USP34: variants seen among roughly 807,000 people sequenced by gnomAD.
USP34 encodes the protein ubiquitin carboxyl-terminal hydrolase 34.
Under a neutral mutation model 460.3 loss-of-function variants are expected in USP34, and 70 were observed. That is an observed-to-expected ratio of 0.15 (90% CI 0.13 to 0.19). USP34 has a LOEUF of 0.19. USP34 is among the 10% of genes least tolerant of loss of function. The pLI is 1.00. For missense variants in USP34, 3,985 were observed against 4,236.2 expected (o/e 0.94, Z 1.65); for synonymous variants, 1,647 against 1,405.3 (o/e 1.17, Z -3.85).
intron 12 of USP34, among the ~76,000 whole-genome samples, chr2:61,349,724 C>G (rs578159606): frequency 5.7e-4 from 87 of 152,028 alleles, no homozygotes; most frequent in Admixed American, 3.3e-3. Flanking sequence ...ACCTGTAGTC[C>G]CAGCTACTCG....
At chr2:61,284,826 T>C (rs1689639941) in intron 35 of USP34, 49 bp downstream of exon 35, 2 of 1,419,674 alleles carry the variant, frequency 1.4e-6, no homozygotes, top group Non-Finnish European at 1.9e-6. Flanking sequence ...TTTAAAACAT[T>C]ATATTCCTGC....
intron 50 of USP34, among the ~76,000 whole-genome samples, chr2:61,245,493 A>C (rs1282848407): frequency 2.0e-5 from 3 of 151,766 alleles, no homozygotes; most frequent in African/African-American, 7.3e-5. Context: ...AATCAGATAG[A>C]TCCATTTATG....
At chr2:61,362,600 A>T (rs542866248) in intron 10 of USP34, among the ~76,000 whole-genome samples, 1 of 152,322 alleles carries the variant, frequency 6.6e-6, no homozygotes, top group East Asian at 1.9e-4. Context: ...TACATGATGA[A>T]TTTAAAGTAG....
intron 34 of USP34, among the ~76,000 whole-genome samples, chr2:61,287,322 A>G (rs981825429): frequency 1.3e-4 from 20 of 152,198 alleles, no homozygotes; most frequent in Admixed American, 4.6e-4. Flanking sequence ...AGATCTCCCT[A>G]AAATCTCACC....
chr2:61,463,156 G>C (rs576179749), intron 1 of USP34, among the ~76,000 whole-genome samples: 33 of 152,008 alleles, frequency 2.2e-4, no homozygotes, highest in African/African-American at 7.0e-4. Context: ...TTTATTAAAC[G>C]GTTCACTGCA....
In USP34 at chr2:61,319,147, TAAC is replaced by T. The variant is rs749400810; in HGVS notation, c.3168+23_3168+25del. 72 of 1,527,876 alleles carry T rather than the reference TAAC, an allele frequency of 4.7e-5. No individual in the cohort carries two copies. In the South Asian group the frequency reaches 8.5e-4, roughly 18 times the overall value. 94.6% of individuals were successfully genotyped at this position (1,527,876 alleles called of 1,614,324 possible). ...TGAAAAAGGGAACATGGAAAAATAATAACAAACTGAGAGAAATGTAATTACCTT... is the reference window on the plus strand; with the variant it reads ...TGAAAAAGGGAACATGGAAAAATAATAAACTGAGAGAAATGTAATTACCTT... On this transcript the variant is annotated intron_variant, in intron 22 of 79. Coordinates refer to ENST00000398571, the MANE Select transcript of USP34 (RefSeq NM_014709.4).
chr2:61,408,095 A>T (rs963733117), intron 2 of USP34, among the ~76,000 whole-genome samples: 3 of 152,194 alleles, frequency 2.0e-5, no homozygotes, highest in African/African-American at 7.2e-5. Context: ...AGCCTGGGTG[A>T]CAAAGCAAGA....
intron 1 of USP34, among the ~76,000 whole-genome samples, chr2:61,456,461 T>G (rs528419051): frequency 8.5e-5 from 13 of 152,342 alleles, no homozygotes; most frequent in Non-Finnish European, 1.8e-4. Context: ...ATTCACTCTT[T>G]TTCTCCGCAT....
At chr2:61,400,872 C>A (rs1383380322) in intron 3 of USP34, among the ~76,000 whole-genome samples, 2 of 152,030 alleles carry the variant, frequency 1.3e-5, no homozygotes, top group Admixed American at 6.6e-5. Flanking sequence ...AAAAATAAGT[C>A]CAGGTGCGGT....
intron 59 of USP34, 72 bp downstream of exon 59, chr2:61,229,476 C>CAAAAAA (rs70959901): frequency 2.7e-5 from 11 of 401,840 alleles, no homozygotes; most frequent in Non-Finnish European, 4.1e-5. Context: ...AAAAAAAAAA[C>CAAAAAA]AAAAAAAAAA....
chr2:61,427,854 A>G (rs905152397), intron 1 of USP34, among the ~76,000 whole-genome samples: 1 of 152,096 alleles, frequency 6.6e-6, no homozygotes, highest in Non-Finnish European at 1.5e-5. Context: ...AATAGCCTCA[A>G]AAGGGCAAAT....
intron 41 of USP34, among the ~76,000 whole-genome samples, chr2:61,275,136 G>A (rs1008296598): frequency 1.3e-5 from 2 of 151,868 alleles, no homozygotes; most frequent in Admixed American, 6.6e-5. Context: ...AAAATTAGCC[G>A]GGTATGGTGA....
At chr2:61,315,972 G>C (rs1181284141) in intron 23 of USP34, among the ~76,000 whole-genome samples, 1 of 151,524 alleles carries the variant, frequency 6.6e-6, no homozygotes, top group East Asian at 1.9e-4. Context: ...GGCTGAGGCA[G>C]GCAGACTGCC....
intron 75 of USP34, among the ~76,000 whole-genome samples, chr2:61,197,551 A>G (rs899269955): frequency 6.6e-6 from 1 of 152,186 alleles, no homozygotes; most frequent in Admixed American, 6.5e-5. Context: ...TAGCATTTTC[A>G]TGATTTTCTT....
At chr2:61,258,117 G>A (rs1329858813) in intron 44 of USP34, among the ~76,000 whole-genome samples, 2 of 152,128 alleles carry the variant, frequency 1.3e-5, no homozygotes, top group African/African-American at 4.8e-5. Context: ...ACTTTGGGAG[G>A]GTACGGCGAG....
chr2:61,266,442 T>C (rs911766942), intron 41 of USP34, among the ~76,000 whole-genome samples: 1 of 152,216 alleles, frequency 6.6e-6, no homozygotes, highest in Non-Finnish European at 1.5e-5. Context: ...CATTAAGTGA[T>C]GTAAAGTTTT....
At chr2:61,419,906 G>A (rs1397265574) in intron 2 of USP34, among the ~76,000 whole-genome samples, 1 of 152,038 alleles carries the variant, frequency 6.6e-6, no homozygotes, top group South Asian at 2.1e-4. Context: ...CAATAATGAT[G>A]GTACAGAATG....
At chr2:61,461,135 A>C (rs777976938) in intron 1 of USP34, among the ~76,000 whole-genome samples, 87 of 152,106 alleles carry the variant, frequency 5.7e-4, no homozygotes, top group Non-Finnish European at 2.8e-4. Flanking sequence ...TCACAACTGT[A>C]ATCTCAGCAT....
chr2:61,202,106 A>G (rs1296306899), intron 75 of USP34, among the ~76,000 whole-genome samples: 2 of 152,346 alleles, frequency 1.3e-5, no homozygotes, highest in Middle Eastern at 3.4e-3. Flanking sequence ...TCACTTGCCA[A>G]TAAGATGGTT....
Sources: allele counts gnomAD v4.1 joint callset (sites outside exome capture counted in the v4.1 genomes callset), GRCh38; gene constraint gnomAD v4.1.1; transcripts MANE v1.5; gene names NCBI Gene and HGNC (gene_info 2026-07-23, HGNC 2026-07-21).